CNOT1: variants seen among roughly 807,000 people sequenced by gnomAD.
The protein encoded by CNOT1 is CCR4-NOT transcription complex subunit 1, also known as CCR4-associated factor 1.
Under a neutral mutation model 273.8 loss-of-function variants are expected in CNOT1, and 15 were observed. That is an observed-to-expected ratio of 0.05 (90% CI 0.04 to 0.08). CNOT1 has a LOEUF of 0.08. Ranked by LOEUF, CNOT1 falls within the 10% of genes least tolerant of loss-of-function variation. The pLI is 1.00. For synonymous variants in CNOT1, 1,022 were observed against 1,005.5 expected, an observed-to-expected ratio of 1.02 and a Z score of -0.31; for missense variants, 1,644 against 2,912.2, an observed-to-expected ratio of 0.56 and a Z score of 10.02.
chr16:58,532,838 CACTG>C (rs2067270), intron 40 of CNOT1: 38,678 of 159,172 alleles, frequency 0.24, 5,102 homozygotes, highest in East Asian at 0.37. Context: ...TTGACTTGCC[CACTG>C]AACAGTGAGG....
chr16:58,580,697 G>T lies in CNOT1; in HGVS notation c.1279C>A (p.His427Asn). The T allele has an allele frequency of 6.2e-7, 1 of 1,613,514 alleles. No individual in the cohort carries two copies. Among genetic ancestry groups the T allele is most frequent in the South Asian group, 1.1e-5 (1 of 90,970 alleles). The change falls in exon 12 of 49, where the codon CAT (histidine) becomes AAT (asparagine). Residue 427 changes from histidine (H) to asparagine (N), a missense_variant. His to Asn is a moderately conservative substitution (Grantham distance 68). Around this residue, in one of 13 missense-constraint regions of CNOT1, gnomAD observed 706 missense variants for 1,021.2 expected, o/e 0.69. Coordinates refer to ENST00000317147, the MANE Select transcript of CNOT1 (RefSeq NM_016284.5). ...TTCAGAATATCAGTGGCAACAGTAT[G>T]ACAGGGATAGTCAGCAAAACAGAAG... Reference protein sequence around the residue: ...EIFCFADYPCHTVATDILKAP... With the variant: ...EIFCFADYPCNTVATDILKAP...
At chr16:58,548,494 T>TA (rs1567399604) in intron 25 of CNOT1, 1 of 514,428 alleles carries the variant, frequency 1.9e-6, no homozygotes. Flanking sequence ...AAAAACGAAA[T>TA]AGAGCCATGT....
chr16:58,607,736 AAAG>A (rs1363485284), intron 1 of CNOT1, among the ~76,000 whole-genome samples: 2 of 117,062 alleles, frequency 1.7e-5, no homozygotes, highest in South Asian at 2.5e-4. Flanking sequence ...AAAAAAAAAA[AAAG>A]AAAGAAAGAA....
intron 39 of CNOT1, among the ~76,000 whole-genome samples, chr16:58,536,340 C>A (rs942759715): frequency 1.3e-5 from 2 of 152,174 alleles, no homozygotes; most frequent in Non-Finnish European, 2.9e-5. Flanking sequence ...CCCTCACAGT[C>A]GCTGAAAGCA....
intron 1 of CNOT1, among the ~76,000 whole-genome samples, chr16:58,614,854 C>CAT (rs2043019942): frequency 8.1e-6 from 1 of 123,872 alleles, no homozygotes; most frequent in Non-Finnish European, 1.9e-5. Context: ...GGACCACAGG[C>CAT]ATATGCCACT....
intron 31 of CNOT1, chr16:58,543,358 A>G: frequency 6.5e-7 from 1 of 1,548,200 alleles, no homozygotes; most frequent in South Asian, 1.2e-5. Context: ...TATTTAAACC[A>G]ACAAATATTT....
intron 24 of CNOT1, 69 bp downstream of exon 24, chr16:58,551,063 G>A (rs1325731123): frequency 1.5e-5 from 24 of 1,570,362 alleles, no homozygotes; most frequent in Non-Finnish European, 2.1e-5. Flanking sequence ...ATGTAAAAGG[G>A]CCAACTATAC....
chr16:58,570,491 T>G (rs2041230809), intron 16 of CNOT1, among the ~76,000 whole-genome samples: 1 of 151,992 alleles, frequency 6.6e-6, no homozygotes, highest in South Asian at 2.1e-4. Flanking sequence ...ATTAAAAAAT[T>G]TATCAGGTGT....
chr16:58,525,394 C>T, intron 45 of CNOT1, 35 bp from the exon 46 acceptor site: 7 of 1,587,560 alleles, frequency 4.4e-6, no homozygotes, highest in Non-Finnish European at 6.0e-6. Flanking sequence ...CTTATGCTTA[C>T]TCCTGCAGAG....
intron 29 of CNOT1, among the ~76,000 whole-genome samples, chr16:58,545,998 G>A (rs1166018934): frequency 6.6e-6 from 1 of 152,144 alleles, no homozygotes. Flanking sequence ...GATTTGAGGG[G>A]TTAACAGGCC....
intron 47 of CNOT1, among the ~76,000 whole-genome samples, chr16:58,522,195 T>G (rs1672404587): frequency 7.5e-6 from 1 of 132,806 alleles, no homozygotes; most frequent in Non-Finnish European, 1.5e-5. Context: ...GGCAGGTGCC[T>G]GTAATCCCAG....
chr16:58,571,083 C>A (rs2041254827), intron 16 of CNOT1, among the ~76,000 whole-genome samples: 1 of 151,374 alleles, frequency 6.6e-6, no homozygotes, highest in African/African-American at 2.4e-5. Context: ...AATTAAGACA[C>A]ATATAGCTTG....
chr16:58,601,734 TAAAAA>T (rs66711143), intron 1 of CNOT1, among the ~76,000 whole-genome samples: 3 of 91,512 alleles, frequency 3.3e-5, no homozygotes, highest in African/African-American at 3.9e-5. Context: ...ATACCCACCT[TAAAAA>T]AAAAAAAAAA....
intron 44 of CNOT1, 105 bp from the exon 45 acceptor site, chr16:58,526,243 A>G: frequency 8.7e-7 from 1 of 1,155,130 alleles, no homozygotes; most frequent in East Asian, 2.4e-5. Context: ...TATACACTAT[A>G]AATGCCTTGA....
chr16:58,580,796 T>C lies in CNOT1; in HGVS notation c.1216-36A>G, dbSNP rs781564261. ...AGAAAATGCTTACCACCATAAATGATTGTGAATGCTATAAAAATCTGAAAT... is the reference window on the plus strand; with the variant it reads ...AGAAAATGCTTACCACCATAAATGACTGTGAATGCTATAAAAATCTGAAAT... On this transcript the variant is annotated intron_variant, in intron 11 of 48. Transcript: ENST00000317147. The C allele has an allele frequency of 3.8e-6, 6 of 1,571,182 alleles. No homozygotes were observed. The African/African-American group carries it at 4.1e-5, about 11-fold the overall frequency.
chr16:58,528,376 CGT>C, intron 44 of CNOT1, 97 bp downstream of exon 44: 1 of 806,446 alleles, frequency 1.2e-6, no homozygotes, highest in South Asian at 1.4e-5. Flanking sequence ...TAATAGTGTG[CGT>C]GTTATGTTGG....
chr16:58,580,541 A>G lies in CNOT1; in HGVS notation c.1343+92T>C, dbSNP rs1382290165. The G allele has an allele frequency of 2.7e-6, 4 of 1,478,100 alleles. No individual in the cohort carries two copies. The East Asian group carries it at 9.7e-5, about 36-fold the overall frequency. 91.6% of individuals were successfully genotyped at this position (1,478,100 alleles called of 1,614,324 possible). On this transcript the variant is annotated intron_variant, in intron 12 of 48. Coordinates refer to ENST00000317147, the MANE Select transcript of CNOT1 (RefSeq NM_016284.5). ...TCACTAAAACTACTGCTTCATTTAA[A>G]CCTGTTAACTATGTACTTGGCTTAC... is the stretch of plus-strand genomic sequence containing the variant.
At chr16:58,606,424 G>A (rs1334214093) in intron 1 of CNOT1, among the ~76,000 whole-genome samples, 1 of 152,036 alleles carries the variant, frequency 6.6e-6, no homozygotes, top group Non-Finnish European at 1.5e-5. Context: ...CAGCAACTGA[G>A]GGGAACAAAG....
intron 16 of CNOT1, among the ~76,000 whole-genome samples, chr16:58,570,614 T>A (rs1257893917): frequency 1.3e-5 from 2 of 152,102 alleles, no homozygotes; most frequent in Admixed American, 1.3e-4. Flanking sequence ...TGAAACCCTG[T>A]CTCAAAAAAA....
Sources: gnomAD v4.1 joint callset for allele counts (sites outside exome capture counted in the v4.1 genomes callset) on GRCh38, gnomAD v4.1.1 for gene constraint, gnomAD v4.1.1 regional missense constraint, MANE v1.5 for transcripts, NCBI Gene and HGNC (gene_info 2026-07-23, HGNC 2026-07-21) for gene names.